CADM2: variants seen among roughly 807,000 people sequenced by gnomAD.
The protein encoded by CADM2 is immunoglobulin superfamily member 4D.
In CADM2, 12 loss-of-function variants were observed where a neutral mutation model predicts 49.8. The ratio of observed to expected loss-of-function variants is 0.24; its 90% CI spans 0.15 to 0.39. The LOEUF is 0.39. Among genes scored for constraint, CADM2 ranks in the 10% least tolerant of loss-of-function variants. The probability of loss-of-function intolerance (pLI) is 1.00; values close to 1 mark genes in which losing one functional copy is unlikely to be tolerated. For synonymous variants in CADM2, 214 were observed against 175.4 expected, an observed-to-expected ratio of 1.22 and a Z score of -1.74; for missense variants, 378 against 492.3, an observed-to-expected ratio of 0.77 and a Z score of 2.20.
At chr3:85,287,884 G>A (rs1235168118) in intron 1 of CADM2, among the ~76,000 whole-genome samples, 1 of 149,330 alleles carries the variant, frequency 6.7e-6, no homozygotes, top group Non-Finnish European at 1.5e-5. Flanking sequence ...ACTTATAGGT[G>A]GAAACTGAAC....
chr3:86,062,705 C>A (rs751439070), intron 8 of CADM2, among the ~76,000 whole-genome samples: 2 of 152,092 alleles, frequency 1.3e-5, no homozygotes, highest in Non-Finnish European at 2.9e-5. Context: ...GCAGTAGAAT[C>A]GCTTGTCCCT....
At chr3:85,842,027 T>G (rs1160012354) in intron 3 of CADM2, among the ~76,000 whole-genome samples, 1 of 152,156 alleles carries the variant, frequency 6.6e-6, no homozygotes, top group Non-Finnish European at 1.5e-5. Flanking sequence ...ATTACTTGTA[T>G]GTTATGCTTT....
intron 1 of CADM2, among the ~76,000 whole-genome samples, chr3:85,051,202 T>A (rs1180247835): frequency 6.6e-6 from 1 of 152,158 alleles, no homozygotes; most frequent in African/African-American, 2.4e-5. Context: ...TAAATATAGT[T>A]TGAAAAAATT....
intron 1 of CADM2, among the ~76,000 whole-genome samples, chr3:85,174,389 A>G (rs2040718087): frequency 6.6e-6 from 1 of 151,942 alleles, no homozygotes. Context: ...GAAAATTGAG[A>G]TTCACTGTTT....
chr3:85,866,843 G>A (rs1235876962), intron 3 of CADM2, among the ~76,000 whole-genome samples: 4 of 151,732 alleles, frequency 2.6e-5, no homozygotes, highest in Admixed American at 6.6e-5. Flanking sequence ...ACACACATAC[G>A]CAAACACACA....
At chr3:85,153,222 G>A (rs755487758) in intron 1 of CADM2, among the ~76,000 whole-genome samples, 2 of 152,106 alleles carry the variant, frequency 1.3e-5, no homozygotes, top group Non-Finnish European at 2.9e-5. Context: ...AGGTCAGTGG[G>A]TGCGCGCACC....
At chr3:85,209,878 C>T (rs1177539512) in intron 1 of CADM2, among the ~76,000 whole-genome samples, 3 of 151,978 alleles carry the variant, frequency 2.0e-5, no homozygotes, top group South Asian at 2.1e-4. Context: ...TTGACAGGAT[C>T]GTAGAACATA....
At chr3:85,662,493 C>G (rs1378024773) in intron 1 of CADM2, among the ~76,000 whole-genome samples, 5 of 151,856 alleles carry the variant, frequency 3.3e-5, no homozygotes, top group African/African-American at 1.2e-4. Flanking sequence ...TCAAACCACT[C>G]CTCTCCCTCT....
intron 1 of CADM2, among the ~76,000 whole-genome samples, chr3:85,360,652 A>G (rs944937353): frequency 6.6e-6 from 1 of 152,198 alleles, no homozygotes; most frequent in African/African-American, 2.4e-5. Flanking sequence ...AATTCAATGA[A>G]TCAAATTAAT....
chr3:85,448,599 T>G (rs9654023), intron 1 of CADM2, among the ~76,000 whole-genome samples: 131,254 of 151,936 alleles, frequency 0.86, 56,841 homozygotes, highest in East Asian at 0.95. Flanking sequence ...GCACATGGGG[T>G]TGTGTGCATG....
At chr3:85,979,429 A>G in intron 8 of CADM2, 1 of 852,010 alleles carries the variant, frequency 1.2e-6, no homozygotes, top group Non-Finnish European at 1.7e-6. Context: ...AATTAGGGTT[A>G]TTGGAATAGA....
Position 85,281,898 on chromosome 3 carries a change from A to G in CADM2, c.61+322230A>G, listed in dbSNP as rs552139697. 5.6e-4 allele frequency among the ~76,000 whole-genome samples: 85 copies of G among 152,168 alleles called. No homozygotes were observed. The South Asian group carries it at 0.012, about 22-fold the overall frequency. ...AAGGCCTATTAGGCACAAGCTGTACACCTGTTTGCTCATTTCTCACTTTAA... is the reference window on the plus strand; with the variant it reads ...AAGGCCTATTAGGCACAAGCTGTACGCCTGTTTGCTCATTTCTCACTTTAA... On this transcript the variant is annotated intron_variant, in intron 1 of 9. Transcript: ENST00000383699.
At chr3:85,972,638 A>G (rs960310096) in intron 8 of CADM2, among the ~76,000 whole-genome samples, 1 of 151,790 alleles carries the variant, frequency 6.6e-6, no homozygotes, top group African/African-American at 2.4e-5. Flanking sequence ...TTTTAAAAAG[A>G]TAAACTGCCA....
intron 1 of CADM2, among the ~76,000 whole-genome samples, chr3:85,319,438 A>G (rs887864042): frequency 2.0e-5 from 3 of 152,212 alleles, no homozygotes; most frequent in African/African-American, 7.2e-5. Context: ...CAATTCCATT[A>G]CTCGGTGCAT....
At chr3:85,876,632 C>T (rs1481742922) in intron 3 of CADM2, among the ~76,000 whole-genome samples, 1 of 152,092 alleles carries the variant, frequency 6.6e-6, no homozygotes, top group East Asian at 1.9e-4. Context: ...TGAATTATTA[C>T]TCACTAGAAA....
chr3:85,655,890 A>G (rs2065182118), intron 1 of CADM2, among the ~76,000 whole-genome samples: 1 of 152,136 alleles, frequency 6.6e-6, no homozygotes, highest in African/African-American at 2.4e-5. Flanking sequence ...CAGCTGGTCC[A>G]AGGACCTCAT....
chr3:85,143,231 T>C (rs2039630701), intron 1 of CADM2, among the ~76,000 whole-genome samples: 1 of 152,126 alleles, frequency 6.6e-6, no homozygotes, highest in South Asian at 2.1e-4. Flanking sequence ...GCCTGTAATC[T>C]TAGCACTTTC....
At chr3:85,608,675 A>T (rs1048132720) in intron 1 of CADM2, among the ~76,000 whole-genome samples, 1 of 152,158 alleles carries the variant, frequency 6.6e-6, no homozygotes, top group African/African-American at 2.4e-5. Context: ...GGCTTATTTT[A>T]TGCTGATCAA....
At chr3:85,273,641 T>C (rs1354425123) in intron 1 of CADM2, among the ~76,000 whole-genome samples, 2 of 150,666 alleles carry the variant, frequency 1.3e-5, no homozygotes, top group Non-Finnish European at 3.0e-5. Flanking sequence ...TATGTTAAGA[T>C]GGAGGAAGCT....
Sources: allele counts gnomAD v4.1 joint callset (sites outside exome capture counted in the v4.1 genomes callset), GRCh38; gene constraint gnomAD v4.1.1; transcripts MANE v1.5; gene names NCBI Gene and HGNC (gene_info 2026-07-23, HGNC 2026-07-21).